Variants in KCNH8 observed in about 807,000 individuals in gnomAD.
The protein encoded by KCNH8 is potassium voltage-gated channel subfamily H member 8.
In KCNH8, 70 loss-of-function variants were observed where a neutral mutation model predicts 103.6. The ratio of observed to expected loss-of-function variants is 0.68; its 90% confidence interval spans 0.56 to 0.82. The LOEUF is 0.82. Ranked by LOEUF, KCNH8 falls within the 40% of genes least tolerant of loss-of-function variation. The probability of loss-of-function intolerance (pLI) is 0.00; values close to 1 mark genes in which losing one functional copy is unlikely to be tolerated. For synonymous variants in KCNH8, 498 were observed against 489.4 expected, an observed-to-expected ratio of 1.02 and a Z score of -0.23; for missense variants, 1,217 against 1,329.9, an observed-to-expected ratio of 0.92 and a Z score of 1.32.
At chr3:19,517,386 C>A (rs1237821697) in intron 14 of KCNH8, among the ~76,000 whole-genome samples, 1 of 152,028 alleles carries the variant, frequency 6.6e-6, no homozygotes, top group African/African-American at 2.4e-5. Flanking sequence ...TCTGTCAAAT[C>A]TTTTCCACTC....
chr3:19,342,895 T>A (rs1321776533), intron 4 of KCNH8, among the ~76,000 whole-genome samples, 181 bp downstream of exon 4: 2 of 152,226 alleles, frequency 1.3e-5, no homozygotes. Context: ...GGCATTTCTA[T>A]AATAAAAGTA....
At chr3:19,163,126 A>T (rs959401126) in intron 1 of KCNH8, among the ~76,000 whole-genome samples, 4 of 151,896 alleles carry the variant, frequency 2.6e-5, no homozygotes, top group Admixed American at 2.0e-4. Flanking sequence ...ATGATACTAC[A>T]TAGAGGAAAA....
intron 14 of KCNH8, among the ~76,000 whole-genome samples, chr3:19,517,565 A>T (rs1046509547): frequency 1.3e-5 from 2 of 152,046 alleles, no homozygotes; most frequent in Non-Finnish European, 2.9e-5. Flanking sequence ...TATCTGATAT[A>T]TATGTGGGAG....
intron 15 of KCNH8, among the ~76,000 whole-genome samples, chr3:19,532,361 A>G (rs928563129): frequency 6.6e-6 from 1 of 152,148 alleles, no homozygotes; most frequent in Non-Finnish European, 1.5e-5. Context: ...GCTTATCTCT[A>G]CTTACGCACC....
rs529061938 is a variant in KCNH8 at position 19,518,053 on chromosome 3, G to A, written c.2598G>A (p.Gln866=). The A allele has an allele frequency of 6.2e-7, 1 of 1,612,096 alleles. No homozygotes were observed. The highest frequency in any genetic ancestry group is 1.1e-5 in the South Asian group (1 of 91,026). ...TCAAAGCAGAGGAGACCAAGCAGCA[G>A]ATAAACAAACTCAACAGTGAGGTAT... ...LFIKAEETKQ[Q]INKLNSEVTT... Residue 866 remains glutamine, a synonymous_variant, in exon 15 of 16, where the codon CAG becomes CAA. Transcript: ENST00000328405.
chr3:19,194,496 A>G (rs1382314837), intron 1 of KCNH8, among the ~76,000 whole-genome samples: 1 of 151,876 alleles, frequency 6.6e-6, no homozygotes, highest in Non-Finnish European at 1.5e-5. Context: ...TAATGAAAGA[A>G]GTGCTTATTA....
At chr3:19,194,656 T>C (rs917391217) in intron 1 of KCNH8, among the ~76,000 whole-genome samples, 1 of 151,642 alleles carries the variant, frequency 6.6e-6, no homozygotes, top group African/African-American at 2.4e-5. Flanking sequence ...GGGGTAGGGG[T>C]TGAAAACTAC....
chr3:19,212,978 A>G (rs2063784987), intron 1 of KCNH8, among the ~76,000 whole-genome samples: 1 of 152,130 alleles, frequency 6.6e-6, no homozygotes, highest in Admixed American at 6.6e-5. Flanking sequence ...GAGTTTCATG[A>G]TTTGATAAAG....
intron 1 of KCNH8, among the ~76,000 whole-genome samples, chr3:19,203,641 A>G (rs772879387): frequency 6.6e-5 from 10 of 152,208 alleles, no homozygotes; most frequent in East Asian, 3.9e-4. Flanking sequence ...TTGAAATAAC[A>G]TATTTTCAAA....
chr3:19,470,364 T>A (rs917508176), intron 11 of KCNH8, among the ~76,000 whole-genome samples: 6 of 152,250 alleles, frequency 3.9e-5, no homozygotes, highest in Admixed American at 2.6e-4. Context: ...CTTTTCCTTT[T>A]CTCTGCATTT....
chr3:19,429,485 T>C (rs1267388340), intron 7 of KCNH8, among the ~76,000 whole-genome samples: 3 of 152,218 alleles, frequency 2.0e-5, no homozygotes, highest in Admixed American at 6.5e-5. Context: ...GAATCCACTC[T>C]TCTAACAAAG....
intron 11 of KCNH8, among the ~76,000 whole-genome samples, chr3:19,499,122 C>A (rs2068516099): frequency 6.6e-6 from 1 of 152,114 alleles, no homozygotes; most frequent in South Asian, 2.1e-4. Context: ...AAAACCAAGG[C>A]TCGAGAACTA....
At chr3:19,334,057 C>T (rs2065548112) in intron 3 of KCNH8, among the ~76,000 whole-genome samples, 1 of 152,164 alleles carries the variant, frequency 6.6e-6, no homozygotes, top group East Asian at 1.9e-4. Context: ...TGTTCACCAG[C>T]AGCTAAAACT....
intron 3 of KCNH8, among the ~76,000 whole-genome samples, chr3:19,288,891 G>A (rs936521399): frequency 6.6e-6 from 1 of 152,104 alleles, no homozygotes; most frequent in Admixed American, 6.6e-5. Flanking sequence ...TCCAGCACCT[G>A]TTGTTTCCTG....
chr3:19,183,143 T>C (rs1185511926), intron 1 of KCNH8, among the ~76,000 whole-genome samples: 1 of 152,214 alleles, frequency 6.6e-6, no homozygotes, highest in Admixed American at 6.5e-5. Context: ...AATTGTGCTA[T>C]TACCTTTCCT....
intron 8 of KCNH8, among the ~76,000 whole-genome samples, chr3:19,443,069 A>G (rs1285431526): frequency 1.3e-5 from 2 of 151,810 alleles, no homozygotes; most frequent in Non-Finnish European, 2.9e-5. Flanking sequence ...ATAAACAAAT[A>G]ATTTATTTTT....
At chr3:19,269,016 C>T (rs1195042637) in intron 2 of KCNH8, among the ~76,000 whole-genome samples, 1 of 152,038 alleles carries the variant, frequency 6.6e-6, no homozygotes, top group Non-Finnish European at 1.5e-5. Flanking sequence ...TTTTATACTT[C>T]GTTGTGTGTA....
chr3:19,439,745 T>C (rs796748954), intron 8 of KCNH8, among the ~76,000 whole-genome samples: 1 of 151,892 alleles, frequency 6.6e-6, no homozygotes, highest in Non-Finnish European at 1.5e-5. Flanking sequence ...AAAGATATAA[T>C]AACAGAGGTT....
chr3:19,352,345 A>T (rs2065814936), intron 5 of KCNH8, among the ~76,000 whole-genome samples: 1 of 152,150 alleles, frequency 6.6e-6, no homozygotes, highest in South Asian at 2.1e-4. Flanking sequence ...GTTAACAAGG[A>T]TATCCAGGAA....
Sources: gnomAD v4.1 joint callset for allele counts (sites outside exome capture counted in the v4.1 genomes callset) on GRCh38, gnomAD v4.1.1 for gene constraint, MANE v1.5 for transcripts, NCBI Gene and HGNC (gene_info 2026-07-23, HGNC 2026-07-21) for gene names.